Variants in DENND2B observed in about 807,000 individuals in gnomAD.
DENND2B encodes the protein DENN domain-containing protein 2B.
A neutral mutation model predicts 116.0 loss-of-function variants in DENND2B; 32 were observed. That is an observed-to-expected ratio of 0.28 (90% confidence interval 0.21 to 0.37). DENND2B has a LOEUF of 0.37. Among genes scored for constraint, DENND2B ranks in the 10% least tolerant of loss-of-function variants. The probability of loss-of-function intolerance (pLI) is 1.00; values close to 1 mark genes in which losing one functional copy is unlikely to be tolerated. For missense variants in DENND2B, 1,276 were observed against 1,477.7 expected (o/e 0.86, Z 2.24); for synonymous variants, 588 against 583.9 (o/e 1.01, Z -0.10).
intron 4 of DENND2B, among the ~76,000 whole-genome samples, chr11:8,723,897 A>G (rs2046617125): frequency 6.6e-6 from 1 of 152,228 alleles, no homozygotes; most frequent in Non-Finnish European, 1.5e-5. Context: ...GTGTCCCTGC[A>G]CATCCCAGCA....
chr11:8,821,733 A>G (rs982786916), intron 4 of DENND2B, among the ~76,000 whole-genome samples: 1 of 152,172 alleles, frequency 6.6e-6, no homozygotes. Flanking sequence ...CATGTTAGCA[A>G]TTTTTTTCCT....
chr11:8,697,831 A>G, intron 16 of DENND2B, 195 bp from the exon 17 acceptor site: 1 of 602,420 alleles, frequency 1.7e-6, no homozygotes, highest in Non-Finnish European at 3.0e-6. Context: ...GATTACAGAG[A>G]TTAAAAGTGG....
In DENND2B at chr11:8,730,685, G is replaced by A; in HGVS notation, c.605C>T (p.Pro202Leu). The A allele has an allele frequency of 6.2e-7, 1 of 1,611,854 alleles. No homozygotes were observed. The highest frequency in any genetic ancestry group is 8.5e-7 in the Non-Finnish European group (1 of 1,179,664). ...CACCACGCTGGGACAGCCCAGGCTG[G>A]GGCAGCCCTCACTGGCCGCCCACTC... Reference protein sequence around the residue: ...GSEWAASEGCPSLGCPSVVPS... With the variant: ...GSEWAASEGCLSLGCPSVVPS... Residue 202 changes from proline (P) to leucine (L), a missense_variant, in exon 3 of 20, where the codon CCC becomes CTC. Transcript: ENST00000313726. The surrounding 1 kb of genome is among the most constrained non-coding windows in gnomAD (Gnocchi z 4.1).
At chr11:8,753,891 T>C (rs1230562291) in intron 1 of DENND2B, among the ~76,000 whole-genome samples, 6 of 152,048 alleles carry the variant, frequency 3.9e-5, no homozygotes, top group African/African-American at 1.5e-4. Context: ...CATACCATAT[T>C]TAAAAATAAA....
chr11:8,795,869 T>C (rs2059768660), intron 1 of DENND2B, among the ~76,000 whole-genome samples: 1 of 152,212 alleles, frequency 6.6e-6, no homozygotes, highest in Non-Finnish European at 1.5e-5. Context: ...CAGATGACCA[T>C]TCAATGTCTG....
chr11:8,797,553 TTCTCTTCTCTGAGACAGAGTCTTGCTCTG>T (rs1479977763), intron 1 of DENND2B, among the ~76,000 whole-genome samples: 3 of 146,012 alleles, frequency 2.1e-5, no homozygotes, highest in Non-Finnish European at 3.0e-5. Context: ...TCCTCTTCTC[TTCTCTTCTCTGAGACAGAGTCTTGCTCTG>T]TCTCTTCTCT....
rs2039836921 is a variant in DENND2B at position 8,693,846 on chromosome 11, C to A, written c.*250G>T. On this transcript the variant is annotated 3_prime_UTR_variant, in exon 20 of 20. Coordinates refer to ENST00000313726, the MANE Select transcript of DENND2B (RefSeq NM_213618.2). ...CATGCTCTGGCAGGACAGGAAAGCA[C>A]CCGGCCCCTTGGGAATATACAAATA... 6 of 412,432 alleles carry A rather than the reference C, an allele frequency of 1.5e-5. No homozygotes were observed. The East Asian group carries it at 2.6e-4, about 18-fold the overall frequency. 25.5% of individuals were successfully genotyped at this position (412,432 alleles called of 1,614,324 possible).
chr11:8,791,905 T>C (rs2059413477), intron 1 of DENND2B, among the ~76,000 whole-genome samples: 1 of 152,206 alleles, frequency 6.6e-6, no homozygotes, highest in Non-Finnish European at 1.5e-5. Flanking sequence ...GGTTTTCTTA[T>C]CAACAAAATG....
chr11:8,774,878 T>TTTTTTTTTTTTTTTTC, intron 1 of DENND2B, among the ~76,000 whole-genome samples: 1 of 145,108 alleles, frequency 6.9e-6, no homozygotes, highest in African/African-American at 2.6e-5. Flanking sequence ...TTTTTTTTAA[T>TTTTTTTTTTTTTTTTC]TATTATTTTC....
intron 1 of DENND2B, among the ~76,000 whole-genome samples, chr11:8,768,621 G>C (rs779759422): frequency 6.6e-6 from 1 of 152,138 alleles, no homozygotes; most frequent in Non-Finnish European, 1.5e-5. Context: ...ACCATCAGGT[G>C]AGCAGACCCC....
chr11:8,776,157 C>T (rs1338008465), intron 1 of DENND2B: 8 of 359,296 alleles, frequency 2.2e-5, no homozygotes, highest in East Asian at 1.0e-4. Context: ...CACGCGCGCG[C>T]GCGCACACAC....
At chr11:8,762,892 C>A (rs953282030) in intron 1 of DENND2B, among the ~76,000 whole-genome samples, 1 of 152,158 alleles carries the variant, frequency 6.6e-6, no homozygotes, top group African/African-American at 2.4e-5. Flanking sequence ...ATGAAAAACA[C>A]TGACAAATTA....
At chr11:8,742,091 G>C (rs1262890456) in intron 2 of DENND2B, among the ~76,000 whole-genome samples, 1 of 152,122 alleles carries the variant, frequency 6.6e-6, no homozygotes, top group Non-Finnish European at 1.5e-5. Flanking sequence ...GTAGAGACAG[G>C]GTCTTGCTAT....
Position 8,714,010 on chromosome 11 carries a change from C to T in DENND2B, c.1975G>A (p.Asp659Asn). Residue 659 changes from aspartate (D) to asparagine (N), a missense_variant, in exon 8 of 20, where the codon GAC (aspartate) becomes AAC (asparagine). Coordinates refer to ENST00000313726, the MANE Select transcript of DENND2B (RefSeq NM_213618.2). Reference sequence around the variant, plus strand: ...AGCTGTGCCTCACCTTTGAACCTGTCATCAGAGTCGCTCTCGCTCTCACTG... The same window carrying T: ...AGCTGTGCCTCACCTTTGAACCTGTTATCAGAGTCGCTCTCGCTCTCACTG... ...ENSESESDSD[D>N]RFKAHTQRLV... The T allele has an allele frequency of 6.2e-7, 1 of 1,614,162 alleles. No homozygotes were observed. Among genetic ancestry groups the T allele is most frequent in the Non-Finnish European group, 8.5e-7 (1 of 1,180,048 alleles).
In DENND2B at chr11:8,804,771, C is replaced by T. The variant is rs185183186; in HGVS notation, c.-26+5746G>A. On this transcript the variant is annotated intron_variant, in intron 1 of 19. Transcript: ENST00000313726. ...TATTGGCCAGGCTGGTCTCAAACACCGACCTCAAGTGATCCACCCACCTCG... is the reference window on the plus strand; with the variant it reads ...TATTGGCCAGGCTGGTCTCAAACACTGACCTCAAGTGATCCACCCACCTCG... Among the ~76,000 whole-genome samples, 163 of 151,978 alleles carry T rather than the reference C, an allele frequency of 1.1e-3. 1 individual carries two copies. The highest frequency in any genetic ancestry group is 1.8e-4 in the Non-Finnish European group (12 of 67,966).
At chr11:8,889,914 T>C (rs931479288) in intron 1 of DENND2B, among the ~76,000 whole-genome samples, 1 of 152,162 alleles carries the variant, frequency 6.6e-6, no homozygotes, top group Non-Finnish European at 1.5e-5. Flanking sequence ...AAGCACGGAA[T>C]TTGAGATCTG....
At chr11:8,887,932 C>G (rs747512394) in intron 1 of DENND2B, among the ~76,000 whole-genome samples, 1 of 152,010 alleles carries the variant, frequency 6.6e-6, no homozygotes, top group Non-Finnish European at 1.5e-5. Flanking sequence ...TCTTAGCCTT[C>G]GTTACTACTG....
intron 9 of DENND2B, chr11:8,711,954 T>C (rs989058250): frequency 2.2e-6 from 1 of 455,794 alleles, no homozygotes; most frequent in African/African-American, 2.0e-5. Context: ...TGGACAGACC[T>C]CCTGAAAGAG....
At chr11:8,721,940 C>T (rs2046262579) in intron 4 of DENND2B, among the ~76,000 whole-genome samples, 1 of 152,358 alleles carries the variant, frequency 6.6e-6, no homozygotes, top group African/African-American at 2.4e-5. Context: ...GAATGCAGCT[C>T]AGGCGCCGAG....
Sources: gnomAD v4.1 joint callset for allele counts (sites outside exome capture counted in the v4.1 genomes callset) on GRCh38, gnomAD v4.1.1 for gene constraint, Gnocchi (gnomAD v3.1) non-coding constraint, MANE v1.5 for transcripts, NCBI Gene and HGNC (gene_info 2026-07-23, HGNC 2026-07-21) for gene names.